The following CDH12 variants were observed in gnomAD, a reference collection of about 807,000 sequenced individuals.
CDH12 encodes cadherin 12.
A neutral mutation model predicts 74.1 loss-of-function variants in CDH12; 41 were observed. The observed-to-expected ratio is 0.55, with a 90% CI of 0.43 to 0.72. The LOEUF is 0.72. CDH12 is among the 30% of genes least tolerant of loss of function. The pLI, the probability that CDH12 is intolerant of heterozygous loss-of-function variation, is 0.00. For synonymous variants in CDH12, 399 were observed against 355.0 expected, an observed-to-expected ratio of 1.12 and a Z score of -1.39; for missense variants, 945 against 977.2, an observed-to-expected ratio of 0.97 and a Z score of 0.44.
chr5:22,231,589 C>T (rs1218281204), intron 3 of CDH12, among the ~76,000 whole-genome samples: 1 of 151,962 alleles, frequency 6.6e-6, no homozygotes, highest in Non-Finnish European at 1.5e-5. Flanking sequence ...TGAGGTAACT[C>T]TTCTATTGAA....
intron 6 of CDH12, chr5:21,883,921 T>C (rs1269556777): frequency 5.3e-5 from 86 of 1,608,598 alleles, no homozygotes; most frequent in Non-Finnish European, 7.1e-5. Context: ...GGTTTTGCCC[T>C]CCTTCGATGC....
intron 4 of CDH12, among the ~76,000 whole-genome samples, chr5:22,150,731 C>G (rs569051715): frequency 6.6e-6 from 1 of 152,242 alleles, no homozygotes; most frequent in South Asian, 2.1e-4. Flanking sequence ...GTCATAAGCA[C>G]TGGGCCAGAC....
At chr5:22,347,339 T>G (rs1225694909) in intron 3 of CDH12, among the ~76,000 whole-genome samples, 2 of 152,144 alleles carry the variant, frequency 1.3e-5, no homozygotes, top group East Asian at 3.9e-4. Flanking sequence ...ACTGGCTAAG[T>G]CTCTGGCTTT....
In CDH12 at chr5:22,737,530, G is replaced by A. The variant is rs548898072; in HGVS notation, c.-523+115528C>T. Among the ~76,000 whole-genome samples the A allele has an allele frequency of 3.5e-4, 53 of 151,940 alleles. 1 individual carries two copies. The highest frequency in any genetic ancestry group is 1.3e-3 in the African/African-American group (52 of 41,488). On this transcript the variant is annotated intron_variant, in intron 1 of 14. Transcript: ENST00000382254. ...TAAAAATTATAACGTGAGAAAAATA[G>A]TTAATAAGACTTAGCTGAAAGAAAT...
At chr5:22,163,704 C>A (rs1748494974) in intron 4 of CDH12, among the ~76,000 whole-genome samples, 1 of 152,158 alleles carries the variant, frequency 6.6e-6, no homozygotes, top group African/African-American at 2.4e-5. Context: ...CAGGATCACA[C>A]TGTCAATGAG....
rs768804600 is a variant in CDH12, at chr5:22,843,482, A to C, written c.-523+9576T>G. ...GTTTTCCTCCTGTCATTCATATTTC[A>C]TAGCTTCCTCTATTGTGTGAAAGTA... On this transcript the variant is annotated intron_variant, in intron 1 of 14. Transcript: ENST00000382254. Among the ~76,000 whole-genome samples, 26 of 152,170 alleles carry C rather than the reference A, an allele frequency of 1.7e-4. 1 individual carries two copies. Among genetic ancestry groups the C allele is most frequent in the Middle Eastern group, 3.4e-3 (1 of 294 alleles).
chr5:22,235,923 T>C (rs1372232545), intron 3 of CDH12, among the ~76,000 whole-genome samples: 1 of 152,244 alleles, frequency 6.6e-6, no homozygotes, highest in East Asian at 1.9e-4. Context: ...TGGTGTACTC[T>C]ATTGCTTCTA....
intron 1 of CDH12, among the ~76,000 whole-genome samples, chr5:22,690,364 A>G (rs549137098): frequency 4.3e-4 from 66 of 152,274 alleles, no homozygotes; most frequent in Admixed American, 1.4e-3. Context: ...ATAATTTTTA[A>G]TGGCCATCCA....
chr5:22,216,715 T>A (rs2150366435), intron 3 of CDH12, among the ~76,000 whole-genome samples: 1 of 152,036 alleles, frequency 6.6e-6, no homozygotes, highest in South Asian at 2.1e-4. Flanking sequence ...AGAGAAATTT[T>A]TATTTTTGAT....
chr5:22,129,231 C>T (rs553342721), intron 4 of CDH12, among the ~76,000 whole-genome samples: 143 of 152,240 alleles, frequency 9.4e-4, no homozygotes, highest in Middle Eastern at 6.8e-3. Flanking sequence ...ACTTGTGTGA[C>T]GGTAGCAAGT....
chr5:22,101,222 C>A (rs1744121330), intron 4 of CDH12, among the ~76,000 whole-genome samples: 1 of 151,664 alleles, frequency 6.6e-6, no homozygotes, highest in African/African-American at 2.4e-5. Flanking sequence ...TTTTACTGAG[C>A]AAAATTCACA....
At chr5:21,970,688 G>A (rs111941495) in intron 6 of CDH12, among the ~76,000 whole-genome samples, 2 of 151,116 alleles carry the variant, frequency 1.3e-5, no homozygotes, top group African/African-American at 4.8e-5. Flanking sequence ...AAAAATACAA[G>A]AATTAGCTGA....
intron 1 of CDH12, among the ~76,000 whole-genome samples, chr5:22,695,973 C>T (rs1414189979): frequency 6.6e-6 from 1 of 152,154 alleles, no homozygotes; most frequent in East Asian, 1.9e-4. Context: ...TCTTAACCAA[C>T]ACTGGTTCTT....
chr5:22,054,776 A>T (rs1236936003), intron 5 of CDH12, among the ~76,000 whole-genome samples: 6 of 152,162 alleles, frequency 3.9e-5, no homozygotes, highest in Non-Finnish European at 8.8e-5. Flanking sequence ...TGGATCTCTG[A>T]AAACAAAAGT....
chr5:22,577,512 T>G (rs1739853410), intron 1 of CDH12, among the ~76,000 whole-genome samples: 1 of 152,150 alleles, frequency 6.6e-6, no homozygotes, highest in Non-Finnish European at 1.5e-5. Flanking sequence ...TCTAATAACT[T>G]CCTACATCAT....
Position 22,206,532 on chromosome 5 carries a change from A to G in CDH12, c.-187+5966T>C, listed in dbSNP as rs552750148. On this transcript the variant is annotated intron_variant, in intron 4 of 14. Transcript: ENST00000382254. ...ATCTACCAAAGTTTTGACCTACTAA[A>G]CCCACTAAGGTTTGACTTGTGAAAT... is the stretch of plus-strand genomic sequence containing the variant. Among the ~76,000 whole-genome samples, 84 of 152,092 alleles carry G rather than the reference A, an allele frequency of 5.5e-4. 3 individuals are homozygous for G. In the South Asian group the frequency reaches 8.1e-3, roughly 15 times the overall value.
intron 3 of CDH12, among the ~76,000 whole-genome samples, chr5:22,403,681 A>G: frequency 6.6e-6 from 1 of 152,204 alleles, no homozygotes; most frequent in East Asian, 1.9e-4. Flanking sequence ...GAACACAGCC[A>G]TGTGAAGACC....
intron 4 of CDH12, among the ~76,000 whole-genome samples, chr5:22,104,523 A>T (rs536072740): frequency 6.6e-6 from 1 of 152,332 alleles, no homozygotes; most frequent in African/African-American, 2.4e-5. Context: ...TTTTGTTATT[A>T]GCAGGGATAT....
At chr5:22,043,779 C>A (rs1468699888) in intron 5 of CDH12, among the ~76,000 whole-genome samples, 1 of 150,536 alleles carries the variant, frequency 6.6e-6, no homozygotes, top group African/African-American at 2.4e-5. Context: ...CATAAAAAAG[C>A]AATAGTGTTG....
Sources: gnomAD v4.1 joint callset for allele counts (sites outside exome capture counted in the v4.1 genomes callset) on GRCh38, gnomAD v4.1.1 for gene constraint, MANE v1.5 for transcripts, NCBI Gene and HGNC (gene_info 2026-07-23, HGNC 2026-07-21) for gene names.